HEATR4: variants seen among roughly 807,000 people sequenced by gnomAD.
HEATR4 encodes HEAT repeat-containing protein 4.
In HEATR4, 95 loss-of-function variants were observed where a neutral mutation model predicts 108.8. The observed-to-expected ratio is 0.87, with a 90% CI of 0.74 to 1.04. HEATR4 has a LOEUF of 1.04. Ranked by LOEUF, HEATR4 falls within the 50% of genes least tolerant of loss-of-function variation. HEATR4 has a pLI of 0.00. For synonymous variants in HEATR4, 443 were observed against 459.4 expected, an observed-to-expected ratio of 0.96 and a Z score of 0.46; for missense variants, 1,152 against 1,253.8, an observed-to-expected ratio of 0.92 and a Z score of 1.23.
intron 11 of HEATR4, among the ~76,000 whole-genome samples, chr14:73,502,549 T>C (rs1832654420): frequency 6.6e-6 from 1 of 151,866 alleles, no homozygotes; most frequent in African/African-American, 2.4e-5. Flanking sequence ...CCAGGCCTCC[T>C]AAGCACTTTT....
chr14:73,570,214 T>C, the HEATR4 span, among the ~76,000 whole-genome samples: 4 of 151,582 alleles, frequency 2.6e-5, no homozygotes, highest in African/African-American at 9.7e-5. Flanking sequence ...GGAAAGCTGA[T>C]TGGGGAAGTG....
At chr14:73,597,251 A>AT in the HEATR4 span, among the ~76,000 whole-genome samples, 4 of 150,616 alleles carry the variant, frequency 2.7e-5, no homozygotes, top group Non-Finnish European at 5.9e-5. Flanking sequence ...CGCCTGGCTA[A>AT]TTTTTTGTAT....
intron 1 of HEATR4, among the ~76,000 whole-genome samples, chr14:73,547,253 C>T (rs1001750180): frequency 2.6e-5 from 3 of 113,370 alleles, no homozygotes; most frequent in Admixed American, 2.0e-4. Context: ...TGGTGCTGGG[C>T]GCCTGTAATC....
chr14:73,518,122 G>C (rs950213818), intron 5 of HEATR4, among the ~76,000 whole-genome samples: 2 of 151,628 alleles, frequency 1.3e-5, no homozygotes, highest in East Asian at 1.9e-4. Flanking sequence ...TCCTGTGGCT[G>C]TCCACAGCTG....
At chr14:73,613,164 G>C in the HEATR4 span, 1 of 460,916 alleles carries the variant, frequency 2.2e-6, no homozygotes. Flanking sequence ...TCTGAGTCTG[G>C]GCGTCCGCTG....
chr14:73,571,765 T>C, the HEATR4 span: 10 of 152,092 alleles, frequency 6.6e-5, no homozygotes, highest in South Asian at 2.1e-4. Context: ...TTTAAAAGTT[T>C]CTCATTTTTG....
chr14:73,578,231 C>CT, the HEATR4 span, among the ~76,000 whole-genome samples: 71,843 of 139,260 alleles, frequency 0.52, 19,355 homozygotes, highest in East Asian at 0.69. Flanking sequence ...GACATTTCAT[C>CT]TTTTTTTTTT....
At chr14:73,543,701 AAC>A (rs1243950480) in intron 1 of HEATR4, 1 of 759,558 alleles carries the variant, frequency 1.3e-6, no homozygotes, top group East Asian at 8.7e-5. Flanking sequence ...CTCTCCTGGA[AAC>A]ATCTGCCACA....
the HEATR4 span, among the ~76,000 whole-genome samples, chr14:73,588,003 C>T: frequency 6.7e-6 from 1 of 149,450 alleles, no homozygotes. Context: ...TTATTTCTCT[C>T]ATTTTTTTTT....
chr14:73,585,751 T>C, the HEATR4 span, among the ~76,000 whole-genome samples: 5 of 150,778 alleles, frequency 3.3e-5, no homozygotes, highest in African/African-American at 9.7e-5. Context: ...ATAAAAATCA[T>C]TGCTGTGGAG....
intron 5 of HEATR4, among the ~76,000 whole-genome samples, chr14:73,516,683 A>G (rs1370375961): frequency 2.0e-5 from 3 of 152,158 alleles, no homozygotes; most frequent in African/African-American, 7.2e-5. Context: ...CCTGTTAGGA[A>G]CCGGGCCACC....
the HEATR4 span, among the ~76,000 whole-genome samples, chr14:73,567,310 G>A: frequency 6.6e-6 from 1 of 152,068 alleles, no homozygotes; most frequent in Non-Finnish European, 1.5e-5. Flanking sequence ...TAGGGTTCTT[G>A]TAAGTATTAA....
At chr14:73,578,367 C>T in the HEATR4 span, among the ~76,000 whole-genome samples, 1 of 149,520 alleles carries the variant, frequency 6.7e-6, no homozygotes, top group Non-Finnish European at 1.5e-5. Flanking sequence ...GTAGCTGGGA[C>T]TGCAGACACA....
chr14:73,574,395 G>A, the HEATR4 span: 4 of 201,892 alleles, frequency 2.0e-5, no homozygotes, highest in Non-Finnish European at 4.1e-5. Context: ...CTCCCACGTA[G>A]CTGTGACTAC....
chr14:73,491,743 C>A, intron 17 of HEATR4: 1 of 1,555,918 alleles, frequency 6.4e-7, no homozygotes, highest in Non-Finnish European at 8.7e-7. Flanking sequence ...AGGGACTTTT[C>A]TCTACCGCTG....
chr14:73,570,503 A>C, the HEATR4 span, among the ~76,000 whole-genome samples: 1 of 151,922 alleles, frequency 6.6e-6, no homozygotes, highest in African/African-American at 2.4e-5. Context: ...CGGGAGGCAG[A>C]GTTTGTAGTG....
At chr14:73,609,672 G>A in the HEATR4 span, among the ~76,000 whole-genome samples, 37 of 152,016 alleles carry the variant, frequency 2.4e-4, no homozygotes, top group Non-Finnish European at 4.0e-4. Context: ...ACAGAATCTC[G>A]CTCTGTTACC....
chr14:73,582,507 G>A, the HEATR4 span: 4 of 149,508 alleles, frequency 2.7e-5, no homozygotes, highest in East Asian at 7.7e-4. Flanking sequence ...TTGTCATTGC[G>A]CTCATTCAAG....
chr14:73,597,277 G>A, the HEATR4 span, among the ~76,000 whole-genome samples: 3 of 151,278 alleles, frequency 2.0e-5, no homozygotes, highest in African/African-American at 7.3e-5. Flanking sequence ...GTAGAGACAG[G>A]GTTTCGCCAT....
Sources: gnomAD v4.1 joint callset for allele counts (sites outside exome capture counted in the v4.1 genomes callset) on GRCh38, gnomAD v4.1.1 for gene constraint, MANE v1.5 for transcripts, NCBI Gene and HGNC (gene_info 2026-07-23, HGNC 2026-07-21) for gene names.